GLRA3: variants seen among roughly 807,000 people sequenced by gnomAD.
GLRA3 encodes the protein glycine receptor subunit alpha-3.
In GLRA3, 44 loss-of-function variants were observed where a neutral mutation model predicts 60.4. The ratio of observed to expected loss-of-function variants is 0.73; its 90% CI spans 0.57 to 0.94. GLRA3 has a LOEUF of 0.94. GLRA3 is among the 40% of genes least tolerant of loss of function. The pLI is 0.00. For missense variants in GLRA3, 508 were observed against 564.6 expected, an observed-to-expected ratio of 0.90 and a Z score of 1.02; for synonymous variants, 223 against 192.9, an observed-to-expected ratio of 1.16 and a Z score of -1.29.
At chr4:174,721,229 G>T (rs1189601638) in intron 4 of GLRA3, among the ~76,000 whole-genome samples, 1 of 151,868 alleles carries the variant, frequency 6.6e-6, no homozygotes, top group Non-Finnish European at 1.5e-5. Context: ...GGGTTTCACC[G>T]TGTTGGCTAG....
intron 1 of GLRA3, among the ~76,000 whole-genome samples, chr4:174,825,567 T>C (rs552572280): frequency 6.6e-6 from 1 of 152,196 alleles, no homozygotes; most frequent in East Asian, 1.9e-4. Flanking sequence ...GCTTCCCTGC[T>C]TTTGGAAGTT....
intron 1 of GLRA3, among the ~76,000 whole-genome samples, chr4:174,789,204 A>G (rs1469664451): frequency 6.6e-6 from 1 of 152,180 alleles, no homozygotes; most frequent in Admixed American, 6.5e-5. Context: ...CCACTTCCAA[A>G]ATATTAAGCT....
intron 3 of GLRA3, among the ~76,000 whole-genome samples, chr4:174,751,257 C>A (rs1049151744): frequency 6.6e-6 from 1 of 151,820 alleles, no homozygotes; most frequent in Non-Finnish European, 1.5e-5. Flanking sequence ...TTGTTGCCAT[C>A]GAAGGAGACA....
chr4:174,759,652 G>C (rs1737863862), intron 3 of GLRA3, among the ~76,000 whole-genome samples: 1 of 152,060 alleles, frequency 6.6e-6, no homozygotes, highest in Non-Finnish European at 1.5e-5. Flanking sequence ...TTGGTAAGTT[G>C]TCCTATTAAA....
At chr4:174,712,227 G>C (rs1041524659) in intron 5 of GLRA3, among the ~76,000 whole-genome samples, 1 of 151,994 alleles carries the variant, frequency 6.6e-6, no homozygotes, top group Non-Finnish European at 1.5e-5. Flanking sequence ...TTCTAAGTTA[G>C]TTATTCATTG....
chr4:174,789,818 G>A (rs1259050520), intron 1 of GLRA3, among the ~76,000 whole-genome samples: 1 of 152,140 alleles, frequency 6.6e-6, no homozygotes, highest in Non-Finnish European at 1.5e-5. Context: ...TTCTGGAACT[G>A]ATGTGTTCAA....
chr4:174,749,552 G>T (rs779096294), intron 3 of GLRA3, among the ~76,000 whole-genome samples: 22 of 152,126 alleles, frequency 1.4e-4, no homozygotes, highest in Non-Finnish European at 3.1e-4. Context: ...ACATGATTTT[G>T]CAAACCAAGT....
At chr4:174,799,942 A>G (rs901665686) in intron 1 of GLRA3, among the ~76,000 whole-genome samples, 2 of 152,196 alleles carry the variant, frequency 1.3e-5, no homozygotes, top group African/African-American at 4.8e-5. Flanking sequence ...TCAGATGATG[A>G]ATTTGTTACA....
Position 174,744,462 on chromosome 4 carries a change from C to T in GLRA3, c.268-15764G>A, listed in dbSNP as rs561580505. On this transcript the variant is annotated intron_variant, in intron 3 of 9. Transcript: ENST00000274093. ...AGGACCTAAAGACTGGCCCACCTGG[C>T]GTCCCTGCCCCCAGCAAAATTTAAC... 7.2e-5 allele frequency among the ~76,000 whole-genome samples: 11 copies of T among 152,344 alleles called. No individual in the cohort carries two copies. In the South Asian group the frequency reaches 8.3e-4, roughly 11 times the overall value.
intron 2 of GLRA3, among the ~76,000 whole-genome samples, chr4:174,774,059 A>T (rs1413491538): frequency 6.6e-6 from 1 of 151,844 alleles, no homozygotes; most frequent in Non-Finnish European, 1.5e-5. Flanking sequence ...GCAGAGTTGG[A>T]GTCTGAACAG....
rs143142729 is a variant in GLRA3, at chr4:174,725,353, T to C, written c.491+3122A>G. ...GTATTTTTAGGTCTAAAATTTTGATTTGGTTTCACTTTGTAGCTTCTATTT... is the reference window on the plus strand; with the variant it reads ...GTATTTTTAGGTCTAAAATTTTGATCTGGTTTCACTTTGTAGCTTCTATTT... On this transcript the variant is annotated intron_variant, in intron 4 of 9. Transcript: ENST00000274093. 1.1e-3 allele frequency among the ~76,000 whole-genome samples: 162 copies of C among 152,336 alleles called. 1 individual carries two copies. Among genetic ancestry groups the C allele is most frequent in the African/African-American group, 3.6e-3 (151 of 41,578 alleles).
At chr4:174,803,767 A>G (rs1739916208) in intron 1 of GLRA3, among the ~76,000 whole-genome samples, 2 of 152,192 alleles carry the variant, frequency 1.3e-5, no homozygotes, top group African/African-American at 4.8e-5. Flanking sequence ...GAATGGTGAT[A>G]GTAGTATCTT....
rs28831822 is a variant in GLRA3 at position 174,741,153 on chromosome 4, A to T, written c.268-12455T>A. ...GTTTACATTTAGAAAAAAAGTGCTA[A>T]ACTGTTTTCTAGAATGGCTGTACTA... On this transcript the variant is annotated intron_variant, in intron 3 of 9. Coordinates refer to ENST00000274093, the MANE Select transcript of GLRA3 (RefSeq NM_006529.4). 4.4e-3 allele frequency among the ~76,000 whole-genome samples: 677 copies of T among 152,308 alleles called. 4 individuals are homozygous for T. Among genetic ancestry groups the T allele is most frequent in the African/African-American group, 0.016 (656 of 41,576 alleles).
intron 5 of GLRA3, among the ~76,000 whole-genome samples, chr4:174,695,321 A>G (rs1735008184): frequency 6.6e-6 from 1 of 152,150 alleles, no homozygotes; most frequent in Non-Finnish European, 1.5e-5. Flanking sequence ...CTTGAAGAAC[A>G]TCGGTGCAAA....
chr4:174,758,484 G>A (rs1054255788), intron 3 of GLRA3, among the ~76,000 whole-genome samples: 2 of 152,048 alleles, frequency 1.3e-5, no homozygotes, highest in Admixed American at 6.5e-5. Flanking sequence ...TCAGGTTGAG[G>A]TTATAAAAAT....
chr4:174,748,872 A>G (rs986618970), intron 3 of GLRA3, among the ~76,000 whole-genome samples: 14 of 148,900 alleles, frequency 9.4e-5, no homozygotes, highest in African/African-American at 3.5e-4. Flanking sequence ...AAAGATAGAA[A>G]GATATTAAAG....
intron 7 of GLRA3, among the ~76,000 whole-genome samples, chr4:174,676,539 G>A (rs1215636209): frequency 1.3e-5 from 2 of 152,084 alleles, no homozygotes; most frequent in African/African-American, 4.8e-5. Context: ...GTATGTGTTT[G>A]TGTCTATATA....
At chr4:174,722,962 A>C (rs1736186720) in intron 4 of GLRA3, 1 of 167,428 alleles carries the variant, frequency 6.0e-6, no homozygotes, top group East Asian at 1.9e-4. Flanking sequence ...GAGCCGAGAG[A>C]CCATCTGTTT....
intron 1 of GLRA3, among the ~76,000 whole-genome samples, chr4:174,798,000 T>A (rs966405846): frequency 1.3e-5 from 2 of 152,036 alleles, no homozygotes; most frequent in Non-Finnish European, 1.5e-5. Context: ...TAAATACAGA[T>A]GCTTTTATGA....
Sources: gnomAD v4.1 joint callset for allele counts (sites outside exome capture counted in the v4.1 genomes callset) on GRCh38, gnomAD v4.1.1 for gene constraint, MANE v1.5 for transcripts, NCBI Gene and HGNC (gene_info 2026-07-23, HGNC 2026-07-21) for gene names.